The following NTM variants were observed in gnomAD, a reference collection of about 807,000 sequenced individuals.
NTM encodes IgLON family member 2.
Under a neutral mutation model 42.1 loss-of-function variants are expected in NTM, and 13 were observed. The observed-to-expected ratio is 0.31, with a 90% confidence interval of 0.20 to 0.49. NTM has a LOEUF of 0.49. Ranked by LOEUF, NTM falls within the 20% of genes least tolerant of loss-of-function variation. NTM has a pLI of 0.99. For synonymous variants in NTM, 187 were observed against 179.2 expected, an observed-to-expected ratio of 1.04 and a Z score of -0.35; for missense variants, 373 against 452.8, an observed-to-expected ratio of 0.82 and a Z score of 1.60.
intron 2 of NTM, among the ~76,000 whole-genome samples, chr11:132,076,941 C>G (rs980721195): frequency 6.6e-6 from 1 of 152,144 alleles, no homozygotes; most frequent in Admixed American, 6.5e-5. Flanking sequence ...CAAAACATAA[C>G]AGAATCTTTA....
intron 1 of NTM, among the ~76,000 whole-genome samples, chr11:131,384,415 AG>A (rs777609065): frequency 1.6e-4 from 24 of 152,252 alleles, no homozygotes; most frequent in Non-Finnish European, 2.9e-4. Flanking sequence ...TAAAGGATCA[AG>A]GGAGATTATA....
At chr11:132,169,468 TG>T (rs200786879) in intron 3 of NTM, among the ~76,000 whole-genome samples, 2,617 of 151,216 alleles carry the variant, frequency 0.017, 86 homozygotes, top group African/African-American at 0.06. Context: ...CCTGTGTAGC[TG>T]GGACTACAGG....
intron 1 of NTM, among the ~76,000 whole-genome samples, chr11:131,759,527 A>G (rs2083816345): frequency 6.6e-6 from 1 of 151,716 alleles, no homozygotes; most frequent in South Asian, 2.1e-4. Context: ...TTTTTTTTCA[A>G]CTCATTTGGA....
intron 2 of NTM, among the ~76,000 whole-genome samples, chr11:131,990,028 T>C: frequency 6.6e-6 from 1 of 152,188 alleles, no homozygotes; most frequent in East Asian, 1.9e-4. Flanking sequence ...TGTTATTATA[T>C]GTAGCTGGAA....
intron 2 of NTM, 150 bp downstream of exon 2, chr11:131,911,798 T>C: frequency 9.9e-7 from 1 of 1,010,410 alleles, no homozygotes; most frequent in Non-Finnish European, 1.5e-6. Context: ...CGCTGGGGGC[T>C]CTGCCCGGGA....
chr11:131,583,948 A>C (rs1211437155), intron 1 of NTM, among the ~76,000 whole-genome samples: 1 of 152,192 alleles, frequency 6.6e-6, no homozygotes, highest in Admixed American at 6.5e-5. Context: ...GCAGCTAGGC[A>C]CTGTTAGAAT....
Position 131,641,839 on chromosome 11 carries a change from G to T in NTM, c.83-269725G>T, listed in dbSNP as rs370919789. ...ACTCCCGGGTTCAAGTGATTCTCCT[G>T]CTTCAGCCTCCCCAGTAGCTGGGAC... On this transcript the variant is annotated intron_variant, in intron 1 of 8. Coordinates refer to ENST00000683400, the MANE Select transcript of NTM (RefSeq NM_001352005.2). Among the ~76,000 whole-genome samples the T allele has an allele frequency of 1.9e-3, 282 of 151,046 alleles. 4 individuals carry two copies. The highest frequency in any genetic ancestry group is 6.7e-3 in the African/African-American group (276 of 41,110).
intron 1 of NTM, among the ~76,000 whole-genome samples, chr11:131,555,648 C>G (rs1397018307): frequency 6.6e-6 from 1 of 152,192 alleles, no homozygotes; most frequent in Admixed American, 6.5e-5. Flanking sequence ...ATGGTCCCAG[C>G]TCAGTTATCA....
intron 1 of NTM, among the ~76,000 whole-genome samples, chr11:131,861,867 T>A (rs2046670951): frequency 6.6e-6 from 1 of 152,180 alleles, no homozygotes; most frequent in African/African-American, 2.4e-5. Flanking sequence ...GGTAGGCCTG[T>A]CTCCACTCCA....
intron 2 of NTM, among the ~76,000 whole-genome samples, chr11:132,136,337 C>T (rs2067915778): frequency 6.6e-6 from 1 of 152,212 alleles, no homozygotes; most frequent in South Asian, 2.1e-4. Flanking sequence ...TGTGTTACCA[C>T]CAAAGGTGAG....
At chr11:131,948,393 A>AAAAAGAAAAC (rs1301696112) in intron 2 of NTM, among the ~76,000 whole-genome samples, 1 of 152,160 alleles carries the variant, frequency 6.6e-6, no homozygotes, top group Admixed American at 6.5e-5. Flanking sequence ...AAAAAACAAA[A>AAAAAGAAAAC]AAAAGAAGTG....
At chr11:131,499,141 T>G (rs2046416070) in intron 1 of NTM, among the ~76,000 whole-genome samples, 1 of 152,140 alleles carries the variant, frequency 6.6e-6, no homozygotes, top group South Asian at 2.1e-4. Context: ...GTGTCCATAA[T>G]TCGATAGGAA....
Position 132,071,341 on chromosome 11 carries a change from C to T in NTM, c.168-74941C>T, listed in dbSNP as rs371199454. 3.9e-4 allele frequency among the ~76,000 whole-genome samples: 56 copies of T among 143,776 alleles called. No individual in the cohort carries two copies. The East Asian group carries it at 9.7e-3, about 25-fold the overall frequency. 94.3% of individuals were successfully genotyped at this position (143,776 alleles called of 152,430 possible). A position where few individuals can be genotyped will look rare whatever the true frequency, so the allele number is the denominator to read the frequency against. ...ACTGACCATCACAGGTTAGTTAACA[C>T]GTCACTCAGCCAAGTTAACACGTCA... On this transcript the variant is annotated intron_variant, in intron 2 of 8. Coordinates refer to ENST00000683400, the MANE Select transcript of NTM (RefSeq NM_001352005.2).
At chr11:132,259,884 G>A (rs893502739) in intron 4 of NTM, among the ~76,000 whole-genome samples, 4 of 151,796 alleles carry the variant, frequency 2.6e-5, no homozygotes, top group Non-Finnish European at 5.9e-5. Context: ...AAGAAGCTGG[G>A]ATTACAGGAG....
intron 1 of NTM, among the ~76,000 whole-genome samples, chr11:131,815,504 G>C (rs570670878): frequency 6.6e-6 from 1 of 152,282 alleles, no homozygotes; most frequent in African/African-American, 2.4e-5. Context: ...GTATGGACTG[G>C]TAGAGCTCTT....
At chr11:131,987,763 A>T (rs1362509426) in intron 2 of NTM, among the ~76,000 whole-genome samples, 1 of 152,240 alleles carries the variant, frequency 6.6e-6, no homozygotes, top group African/African-American at 2.4e-5. Context: ...GCTGAAAAAA[A>T]GTCCAAACAC....
chr11:131,813,962 C>G (rs888074094), intron 1 of NTM, among the ~76,000 whole-genome samples: 1 of 152,214 alleles, frequency 6.6e-6, no homozygotes, highest in Non-Finnish European at 1.5e-5. Context: ...GTACTGGACT[C>G]AGTGTTGAGC....
chr11:131,480,221 A>C (rs1953420709), intron 1 of NTM, among the ~76,000 whole-genome samples: 1 of 151,534 alleles, frequency 6.6e-6, no homozygotes, highest in Non-Finnish European at 1.5e-5. Flanking sequence ...TAGTAGCAAG[A>C]GAGAGGGTGA....
intron 7 of NTM, among the ~76,000 whole-genome samples, chr11:132,317,890 C>CAGGAGGGCTGGGAAGGGGAAAG (rs1032794453): frequency 6.6e-6 from 1 of 152,108 alleles, no homozygotes; most frequent in Non-Finnish European, 1.5e-5. Context: ...CTCACTCCCC[C>CAGGAGGGCTGGGAAGGGGAAAG]AGGAGGGCTG....
Sources: gnomAD v4.1 joint callset for allele counts (sites outside exome capture counted in the v4.1 genomes callset) on GRCh38, gnomAD v4.1.1 for gene constraint, MANE v1.5 for transcripts, NCBI Gene and HGNC (gene_info 2026-07-23, HGNC 2026-07-21) for gene names.